Variants in PCDH11X observed in about 807,000 individuals in gnomAD.
The protein encoded by PCDH11X is protocadherin 11 X-linked, also known as protocadherin-11 X-linked.
PCDH11X carries 18 observed loss-of-function variants against 53.3 expected under a neutral mutation model. The observed-to-expected ratio is 0.34, with a 90% CI of 0.23 to 0.50. The LOEUF is 0.50. Among genes scored for constraint, PCDH11X ranks in the 20% least tolerant of loss-of-function variants. The pLI, the probability that PCDH11X is intolerant of heterozygous loss-of-function variation, is 0.98. For missense variants in PCDH11X, 570 were observed against 1,032.4 expected, an observed-to-expected ratio of 0.55 and a Z score of 6.14; for synonymous variants, 279 against 393.3, an observed-to-expected ratio of 0.71 and a Z score of 3.44.
chrX:92,218,373 C>T (rs754448567), intron 7 of PCDH11X, among the ~76,000 whole-genome samples: 5 of 110,445 alleles, frequency 4.5e-5, no homozygotes, highest in East Asian at 5.7e-4. Context: ...ATATCACCAC[C>T]GATCCCACAG....
intron 7 of PCDH11X, among the ~76,000 whole-genome samples, chrX:92,256,734 C>T (rs755726284): frequency 9.1e-6 from 1 of 110,046 alleles, no homozygotes; most frequent in South Asian, 4.0e-4. Context: ...CTTTGACAGA[C>T]CCCCATATGT....
intron 6 of PCDH11X, among the ~76,000 whole-genome samples, chrX:91,956,764 T>C (rs2061716083): frequency 9.2e-6 from 1 of 108,887 alleles, no homozygotes; most frequent in Non-Finnish European, 1.9e-5. Flanking sequence ...AGTATTTTAC[T>C]GGGGTTCTCT....
chrX:92,597,333 C>A (rs1380951509), intron 10 of PCDH11X, among the ~76,000 whole-genome samples: 11 of 110,004 alleles, frequency 1.0e-4, no homozygotes, highest in African/African-American at 3.6e-4. Context: ...AGTAAACTTG[C>A]ACGATATGAA....
chrX:92,577,172 C>T (rs1465134309), intron 10 of PCDH11X, among the ~76,000 whole-genome samples: 1 of 110,177 alleles, frequency 9.1e-6, no homozygotes, highest in Non-Finnish European at 1.9e-5. Context: ...TCCATCTGCT[C>T]CTAGACTTTT....
intron 10 of PCDH11X, among the ~76,000 whole-genome samples, chrX:92,559,436 T>A (rs186755617): frequency 0.01 from 766 of 75,227 alleles, 6 homozygotes; most frequent in African/African-American, 0.036. Context: ...TTAACAAGTA[T>A]CTTTACACAC....
intron 6 of PCDH11X, among the ~76,000 whole-genome samples, chrX:91,952,600 T>C (rs748661348): frequency 2.2e-4 from 24 of 111,617 alleles, no homozygotes; most frequent in African/African-American, 7.8e-4. Context: ...GAATAACAGT[T>C]AGTACAACCC....
chrX:91,930,107 A>T lies in PCDH11X; in HGVS notation c.3033+50834A>T, dbSNP rs183425366. Among the ~76,000 whole-genome samples the T allele has an allele frequency of 8.2e-3, 892 of 109,246 alleles. 7 individuals carry two copies. Among genetic ancestry groups the T allele is most frequent in the African/African-American group, 0.028 (850 of 30,182 alleles). 94.9% of individuals were successfully genotyped at this position (109,246 alleles called of 115,157 possible). A position where few individuals can be genotyped will look rare whatever the true frequency, so the allele number is the denominator to read the frequency against. ...AAGATAATAAAGAGAAATAAGCCCCAACAACAGAAATTTTGTAAGGCTCAA... is the reference window on the plus strand; with the variant it reads ...AAGATAATAAAGAGAAATAAGCCCCTACAACAGAAATTTTGTAAGGCTCAA... On this transcript the variant is annotated intron_variant, in intron 6 of 10. Transcript: ENST00000682573.
intron 8 of PCDH11X, among the ~76,000 whole-genome samples, chrX:92,363,290 A>G (rs1346322630): frequency 1.8e-5 from 2 of 111,328 alleles, no homozygotes; most frequent in African/African-American, 3.2e-5. Flanking sequence ...TGAACATAGA[A>G]TAGCTTTCTA....
At chrX:92,032,053 G>A (rs1257201698) in intron 6 of PCDH11X, among the ~76,000 whole-genome samples, 1 of 111,692 alleles carries the variant, frequency 9.0e-6, no homozygotes, top group East Asian at 2.8e-4. Flanking sequence ...GGATTGCGTT[G>A]AATCTGGAGA....
intron 8 of PCDH11X, among the ~76,000 whole-genome samples, chrX:92,329,653 G>A (rs2069416077): frequency 9.0e-6 from 1 of 111,513 alleles, no homozygotes; most frequent in Admixed American, 9.6e-5. Flanking sequence ...CCAGAAAAAG[G>A]AATGAGATCC....
At chrX:91,998,751 C>T (rs898354526) in intron 6 of PCDH11X, among the ~76,000 whole-genome samples, 6 of 110,389 alleles carry the variant, frequency 5.4e-5, no homozygotes, top group African/African-American at 2.0e-4. Flanking sequence ...CCTCTCCATC[C>T]AAATTATAAG....
Position 91,879,180 on chromosome X carries a change from G to A in PCDH11X, c.2940G>A (p.Lys980=), listed in dbSNP as rs867779875. ...TTGTGGCCTGTGACTCTATCTCCAA[G>A]TGTTCCTCAAGCAGTTCAGATCCCT... ...NTFVACDSIS[K]CSSSSSDPYS... The change falls in exon 6 of 11, where the codon AAG becomes AAA. Residue 980 remains lysine, a synonymous_variant. Coordinates refer to ENST00000682573, the MANE Select transcript of PCDH11X (RefSeq NM_032968.5). The A allele has an allele frequency of 3.3e-6, 4 of 1,209,795 alleles. No homozygotes were observed. The highest frequency in any genetic ancestry group is 1.8e-5 in the African/African-American group (1 of 57,126).
chrX:92,492,100 ATT>A (rs1460157078), intron 10 of PCDH11X, among the ~76,000 whole-genome samples: 1 of 112,087 alleles, frequency 8.9e-6, no homozygotes, highest in Non-Finnish European at 1.9e-5. Context: ...CAAAGTTTAC[ATT>A]TTATCATCAA....
chrX:92,316,815 C>T (rs1424737067), intron 8 of PCDH11X, among the ~76,000 whole-genome samples: 1 of 110,250 alleles, frequency 9.1e-6, no homozygotes, highest in Non-Finnish European at 1.9e-5. Context: ...GGAAACTTCT[C>T]GCCCTGCATC....
chrX:92,073,681 G>T (rs2063735354), intron 6 of PCDH11X, among the ~76,000 whole-genome samples: 1 of 112,370 alleles, frequency 8.9e-6, no homozygotes, highest in Non-Finnish European at 1.9e-5. Flanking sequence ...ATAGGTAACT[G>T]ATGGTCATTG....
chrX:92,061,702 A>G (rs1351124195), intron 6 of PCDH11X, among the ~76,000 whole-genome samples: 1 of 110,384 alleles, frequency 9.1e-6, no homozygotes, highest in African/African-American at 3.3e-5. Context: ...TACTGTAGCC[A>G]TATAGTATAG....
intron 7 of PCDH11X, among the ~76,000 whole-genome samples, chrX:92,248,862 C>A (rs780753957): frequency 9.1e-6 from 1 of 109,585 alleles, no homozygotes; most frequent in Non-Finnish European, 1.9e-5. Flanking sequence ...TCACCATGCC[C>A]GGCTAATATT....
chrX:91,809,748 A>T (rs1936238028), intron 2 of PCDH11X, among the ~76,000 whole-genome samples, 114 bp downstream of exon 2: 1 of 108,404 alleles, frequency 9.2e-6, no homozygotes, highest in African/African-American at 3.4e-5. Context: ...TGGACCATGC[A>T]GATTATTTTA....
intron 10 of PCDH11X, among the ~76,000 whole-genome samples, chrX:92,587,307 G>T (rs751794505): frequency 9.0e-6 from 1 of 111,022 alleles, no homozygotes; most frequent in Admixed American, 9.6e-5. Flanking sequence ...TAAGAAAAAC[G>T]TCTTTAAAAT....
Sources: allele counts gnomAD v4.1 joint callset (sites outside exome capture counted in the v4.1 genomes callset), GRCh38; gene constraint gnomAD v4.1.1; transcripts MANE v1.5; gene names NCBI Gene and HGNC (gene_info 2026-07-23, HGNC 2026-07-21).